Variants in CDCA5 observed in about 807,000 individuals in gnomAD.
CDCA5 encodes the protein cell division cycle associated 5.
Under a neutral mutation model 25.7 loss-of-function variants are expected in CDCA5, and 14 were observed. The ratio of observed to expected loss-of-function variants is 0.54; its 90% CI spans 0.36 to 0.85. The LOEUF is 0.85. Ranked by LOEUF, CDCA5 falls within the 40% of genes least tolerant of loss-of-function variation. The probability of loss-of-function intolerance (pLI) is 0.01; values close to 1 mark genes in which losing one functional copy is unlikely to be tolerated. For missense variants in CDCA5, 307 were observed against 324.5 expected, an observed-to-expected ratio of 0.95 and a Z score of 0.41; for synonymous variants, 127 against 128.7, an observed-to-expected ratio of 0.99 and a Z score of 0.09.
At chr11:65,068,917 A>G (rs1239956703) in intron 1 of CDCA5, among the ~76,000 whole-genome samples, 1 of 152,226 alleles carries the variant, frequency 6.6e-6, no homozygotes, top group African/African-American at 2.4e-5. Context: ...CCTGTATTTT[A>G]TCTGGCAGTC....
downstream of CDCA5, chr11:65,077,383 G>A (rs1323336803): frequency 1.2e-6 from 1 of 846,582 alleles, no homozygotes; most frequent in African/African-American, 1.8e-5. Flanking sequence ...CAACCCCAGT[G>A]ATGCAGCCCA....
chr11:65,081,824 C>G (rs1301657253), intron 4 of CDCA5, among the ~76,000 whole-genome samples: 1 of 151,768 alleles, frequency 6.6e-6, no homozygotes, highest in East Asian at 1.9e-4. Context: ...GAGAAAACAT[C>G]AAAAAATTAG....
downstream of CDCA5, among the ~76,000 whole-genome samples, chr11:65,076,649 A>T (rs1482255543): frequency 6.6e-6 from 1 of 152,158 alleles, no homozygotes; most frequent in African/African-American, 2.4e-5. Context: ...ACAAGTGTGG[A>T]GGATGGGATG....
intron 2 of CDCA5, chr11:65,068,237 G>A: frequency 1.7e-6 from 1 of 598,390 alleles, no homozygotes; most frequent in East Asian, 6.7e-5. Flanking sequence ...CCCATCGTCT[G>A]TATCCCCCAC....
At chr11:65,073,245 G>A (rs574851494), downstream of CDCA5, among the ~76,000 whole-genome samples, 3 of 151,950 alleles carry the variant, frequency 2.0e-5, no homozygotes, top group African/African-American at 4.8e-5. Context: ...GCGCCCGGCC[G>A]ACTATCTCAT....
At chr11:65,074,505 T>TG (rs1947401630), downstream of CDCA5, among the ~76,000 whole-genome samples, 1 of 152,206 alleles carries the variant, frequency 6.6e-6, no homozygotes, top group Non-Finnish European at 1.5e-5. Flanking sequence ...GCTAGGAACT[T>TG]GGTGTACAAA....
chr11:65,072,968 G>T (rs868035325), downstream of CDCA5, among the ~76,000 whole-genome samples: 97 of 135,398 alleles, frequency 7.2e-4, 1 homozygote, highest in African/African-American at 2.4e-3. Context: ...TTTTGAGATG[G>T]AGTTTCTCTC....
Position 65,078,031 on chromosome 11 carries a change from C to T in CDCA5, c.*1076G>A. The T allele has an allele frequency of 1.0e-6, 1 of 985,416 alleles. No homozygotes were observed. The highest frequency in any genetic ancestry group is 1.2e-6 in the Non-Finnish European group (1 of 829,918). 61.0% of individuals were successfully genotyped at this position (985,416 alleles called of 1,614,324 possible). ...GAAATTCTCCAGAGATCATGAGATG[C>T]ATCCAGGCAGTGTTCTCATGTGAGA... On this transcript the variant is annotated 3_prime_UTR_variant, in exon 6 of 6. Transcript: ENST00000275517.
chr11:65,079,332 A>G (rs1427589109), intron 5 of CDCA5, 21 bp downstream of exon 5: 1 of 1,613,672 alleles, frequency 6.2e-7, no homozygotes, highest in Admixed American at 1.7e-5. Flanking sequence ...CGGCAGAGAA[A>G]AACCCCTGCC....
intron 1 of CDCA5, among the ~76,000 whole-genome samples, chr11:65,071,009 T>C (rs1268792817): frequency 6.6e-6 from 1 of 151,050 alleles, no homozygotes; most frequent in Non-Finnish European, 1.5e-5. Context: ...TGGTGCAATC[T>C]TGGCTCACTG....
chr11:65,063,804 T>C (rs2137052159), downstream of CDCA5, among the ~76,000 whole-genome samples: 1 of 152,216 alleles, frequency 6.6e-6, no homozygotes, highest in Middle Eastern at 3.4e-3. Context: ...GGGAGAAATG[T>C]GTGTGAATGA....
exon 7 of CDCA5, chr11:65,066,425 C>T: frequency 1.6e-6 from 2 of 1,258,210 alleles, no homozygotes; most frequent in Non-Finnish European, 2.1e-6. Context: ...GGTCGTGGGG[C>T]AGGTCAGGCA....
Position 65,083,373 on chromosome 11 carries a change from C to A in CDCA5, c.234G>T (p.Arg78Ser). The A allele has an allele frequency of 6.2e-7, 1 of 1,614,156 alleles. No homozygotes were observed. Among genetic ancestry groups the A allele is most frequent in the Non-Finnish European group, 8.5e-7 (1 of 1,180,036 alleles). ...VEVPAVQSPR[R>S]SPRISFFLEK... ...ATGAAAGTGAACTCACCCTAGGGCT[C>A]CTGCGAGGTGATTGGACAGCTGGGA... The change falls in exon 4 of 6, where the codon AGG (arginine) becomes AGT (serine). Residue 78 changes from arginine (R) to serine (S), a missense_variant. Physicochemically the swap from Arg to Ser is moderately radical, Grantham distance 110. Coordinates refer to ENST00000275517, the MANE Select transcript of CDCA5 (RefSeq NM_080668.4).
chr11:65,062,482 A>AC (rs1427466248), downstream of CDCA5, among the ~76,000 whole-genome samples: 4 of 152,002 alleles, frequency 2.6e-5, no homozygotes. Context: ...CCCTGAGCCT[A>AC]CCAGGCACAC....
At chr11:65,071,100 C>G (rs1475489706) in intron 1 of CDCA5, among the ~76,000 whole-genome samples, 1 of 151,342 alleles carries the variant, frequency 6.6e-6, no homozygotes, top group Non-Finnish European at 1.5e-5. Context: ...CGCCACCACA[C>G]CCGGCTAATT....
chr11:65,071,522 T>G (rs1007717132), intron 1 of CDCA5, among the ~76,000 whole-genome samples: 1 of 151,116 alleles, frequency 6.6e-6, no homozygotes, highest in Admixed American at 6.6e-5. Context: ...ACCATGTTGG[T>G]CAGGCTGGTC....
chr11:65,067,877 G>A, intron 3 of CDCA5: 1 of 842,150 alleles, frequency 1.2e-6, no homozygotes, highest in Non-Finnish European at 1.7e-6. Context: ...CCTCCTCTCT[G>A]CACGGGCCAG....
downstream of CDCA5, among the ~76,000 whole-genome samples, chr11:65,061,750 G>C (rs1462720559): frequency 7.0e-6 from 1 of 142,442 alleles, no homozygotes; most frequent in Non-Finnish European, 1.5e-5. Context: ...ACTCCAGCCT[G>C]GGTGACAGAG....
At chr11:65,068,524 G>A (rs1233427059) in exon 2 of CDCA5, 1 of 1,289,410 alleles carries the variant, frequency 7.8e-7, no homozygotes, top group East Asian at 5.5e-5. Flanking sequence ...GAGGGCCCTT[G>A]GGTTCTTGCT....
Sources: allele counts gnomAD v4.1 joint callset (sites outside exome capture counted in the v4.1 genomes callset), GRCh38; gene constraint gnomAD v4.1.1; transcripts MANE v1.5; gene names NCBI Gene and HGNC (gene_info 2026-07-23, HGNC 2026-07-21).